ARHGAP15: variants seen among roughly 807,000 people sequenced by gnomAD.
ARHGAP15 encodes the protein Rho GTPase activating protein 15.
In ARHGAP15, 51 loss-of-function variants were observed where a neutral mutation model predicts 63.7. The ratio of observed to expected loss-of-function variants is 0.80; its 90% CI spans 0.64 to 1.01. ARHGAP15 has a LOEUF of 1.01. Among genes scored for constraint, ARHGAP15 ranks in the 50% least tolerant of loss-of-function variants. ARHGAP15 has a pLI of 0.00. For synonymous variants in ARHGAP15, 191 were observed against 193.8 expected, an observed-to-expected ratio of 0.99 and a Z score of 0.12; for missense variants, 560 against 564.6, an observed-to-expected ratio of 0.99 and a Z score of 0.08.
chr2:143,434,559 C>T (rs542245498), intron 6 of ARHGAP15, among the ~76,000 whole-genome samples: 2 of 152,230 alleles, frequency 1.3e-5, no homozygotes, highest in African/African-American at 4.8e-5. Flanking sequence ...TGCCACATTT[C>T]AGCGTTCACC....
chr2:143,382,039 C>T (rs762612806), intron 6 of ARHGAP15, among the ~76,000 whole-genome samples: 2 of 151,734 alleles, frequency 1.3e-5, no homozygotes, highest in South Asian at 4.2e-4. Context: ...AAACCACCCT[C>T]CCTTCTTTCC....
At chr2:143,296,684 T>A (rs1682645978) in intron 6 of ARHGAP15, among the ~76,000 whole-genome samples, 1 of 151,974 alleles carries the variant, frequency 6.6e-6, no homozygotes, top group South Asian at 2.1e-4. Context: ...TTTTTAAACT[T>A]TTACTTTAGG....
chr2:143,239,294 T>G (rs150740373), intron 5 of ARHGAP15, among the ~76,000 whole-genome samples: 173 of 152,312 alleles, frequency 1.1e-3, no homozygotes, highest in African/African-American at 3.8e-3. Flanking sequence ...TACCTAATTT[T>G]TTGTGTGCAA....
chr2:143,686,628 A>G (rs1172100394), intron 12 of ARHGAP15, among the ~76,000 whole-genome samples: 3 of 152,190 alleles, frequency 2.0e-5, no homozygotes, highest in Non-Finnish European at 4.4e-5. Context: ...TGAAAATGGT[A>G]TAAATGCCAT....
At chr2:143,679,654 CGTGTGTGTGTGTGT>C (rs60643761) in intron 12 of ARHGAP15, among the ~76,000 whole-genome samples, 2,939 of 149,940 alleles carry the variant, frequency 0.02, 114 homozygotes, top group African/African-American at 0.069. Flanking sequence ...TGCGTGTGTG[CGTGTGTGTGTGTGT>C]GTGTGTGTGT....
At chr2:143,533,166 G>A (rs1162762615) in intron 10 of ARHGAP15, 1 of 152,130 alleles carries the variant, frequency 6.6e-6, no homozygotes, top group African/African-American at 2.4e-5. Context: ...GATGAGCAGG[G>A]GGAATGCTTT....
At chr2:143,432,471 C>A (rs1453141543) in intron 6 of ARHGAP15, among the ~76,000 whole-genome samples, 3 of 152,042 alleles carry the variant, frequency 2.0e-5, no homozygotes, top group African/African-American at 4.8e-5. Flanking sequence ...ACGCAAATTT[C>A]TTCGCTCTTC....
intron 9 of ARHGAP15, among the ~76,000 whole-genome samples, chr2:143,507,687 G>T (rs1291645136): frequency 6.6e-6 from 1 of 151,964 alleles, no homozygotes; most frequent in Non-Finnish European, 1.5e-5. Context: ...TGTCTTTTGG[G>T]GTGCTTGGTA....
chr2:143,579,693 C>T (rs1249178271), intron 11 of ARHGAP15, among the ~76,000 whole-genome samples: 2 of 133,998 alleles, frequency 1.5e-5, no homozygotes, highest in African/African-American at 3.3e-5. Context: ...ATCTTTTTGT[C>T]GAGGGAAGAA....
intron 13 of ARHGAP15, among the ~76,000 whole-genome samples, chr2:143,755,049 C>A (rs1203518156): frequency 2.0e-5 from 3 of 152,126 alleles, no homozygotes; most frequent in Non-Finnish European, 4.4e-5. Flanking sequence ...TATCTACTAT[C>A]TCATCTTATC....
intron 4 of ARHGAP15, among the ~76,000 whole-genome samples, chr2:143,223,460 T>G (rs1693080170): frequency 1.3e-5 from 2 of 152,176 alleles, no homozygotes; most frequent in South Asian, 4.1e-4. Context: ...ACCCCTTTAG[T>G]CTATCCAACA....
rs570655455 is a variant in ARHGAP15, at chr2:143,330,627, G to A, written c.474+80027G>A. On this transcript the variant is annotated intron_variant, in intron 6 of 13. Coordinates refer to ENST00000295095, the MANE Select transcript of ARHGAP15 (RefSeq NM_018460.4). The stretch of plus-strand genomic sequence containing the variant: ...AGCACATACACAATATTGCTACATG[G>A]TTTATGCAATTTCAACATATTACCC... Among the ~76,000 whole-genome samples the A allele has an allele frequency of 2.6e-4, 40 of 152,220 alleles. 1 individual carries two copies. The South Asian group carries it at 8.3e-3, about 32-fold the overall frequency.
intron 8 of ARHGAP15, among the ~76,000 whole-genome samples, chr2:143,453,309 A>G: frequency 6.6e-6 from 1 of 152,006 alleles, no homozygotes; most frequent in East Asian, 1.9e-4. Context: ...GGTTTCTGCA[A>G]TTTACTAGCT....
At chr2:143,394,703 T>C (rs1056180900) in intron 6 of ARHGAP15, among the ~76,000 whole-genome samples, 6 of 152,286 alleles carry the variant, frequency 3.9e-5, no homozygotes, top group African/African-American at 7.2e-5. Context: ...TGAGGACTTA[T>C]GGTAAAGTAC....
intron 6 of ARHGAP15, among the ~76,000 whole-genome samples, chr2:143,422,294 G>C (rs1360557587): frequency 1.3e-5 from 2 of 152,114 alleles, no homozygotes; most frequent in African/African-American, 2.4e-5. Context: ...GTAAGCCTCA[G>C]AAATTGAGGG....
intron 13 of ARHGAP15, among the ~76,000 whole-genome samples, chr2:143,721,097 A>G (rs1685039137): frequency 6.8e-6 from 1 of 147,566 alleles, no homozygotes; most frequent in Non-Finnish European, 1.5e-5. Context: ...TTCTGATTCA[A>G]GAAGTCTGGG....
At chr2:143,171,682 C>A (rs1010808917) in intron 2 of ARHGAP15, among the ~76,000 whole-genome samples, 2 of 152,058 alleles carry the variant, frequency 1.3e-5, no homozygotes, top group Admixed American at 6.6e-5. Flanking sequence ...CAAACTGCCT[C>A]AAGCTGTACC....
At chr2:143,722,177 ACACACACACACACT>A (rs1685090322) in intron 13 of ARHGAP15, among the ~76,000 whole-genome samples, 1 of 151,246 alleles carries the variant, frequency 6.6e-6, no homozygotes. Flanking sequence ...AAAGAAACAC[ACACACACACACACT>A]CACACACACA....
chr2:143,401,680 T>C (rs991836707), intron 6 of ARHGAP15, among the ~76,000 whole-genome samples: 1 of 152,010 alleles, frequency 6.6e-6, no homozygotes, highest in African/African-American at 2.4e-5. Flanking sequence ...CCTTGTAGTT[T>C]AGAATATTCT....
Sources: allele counts gnomAD v4.1 joint callset (sites outside exome capture counted in the v4.1 genomes callset), GRCh38; gene constraint gnomAD v4.1.1; transcripts MANE v1.5; gene names NCBI Gene and HGNC (gene_info 2026-07-23, HGNC 2026-07-21).